The following COL7A1 variants were observed in gnomAD, a reference collection of about 807,000 sequenced individuals.
COL7A1 encodes collagen alpha-1(VII) chain.
Under a neutral mutation model 456.2 loss-of-function variants are expected in COL7A1, and 296 were observed. That is an observed-to-expected ratio of 0.65 (90% confidence interval 0.59 to 0.71). COL7A1 has a LOEUF of 0.71. COL7A1 is among the 30% of genes least tolerant of loss of function. The probability of loss-of-function intolerance (pLI) is 0.00; values close to 1 mark genes in which losing one functional copy is unlikely to be tolerated. For missense variants in COL7A1, 3,441 were observed against 4,017.2 expected, an observed-to-expected ratio of 0.86 and a Z score of 3.88; for synonymous variants, 1,464 against 1,525.9, an observed-to-expected ratio of 0.96 and a Z score of 0.95.
chr3:48,580,355 G>T lies in COL7A1; in HGVS notation c.5053-11C>A. The T allele has an allele frequency of 6.2e-7, 1 of 1,608,136 alleles. No homozygotes were observed. Among genetic ancestry groups the T allele is most frequent in the Non-Finnish European group, 8.5e-7 (1 of 1,176,980 alleles). On this transcript the variant is annotated splice_polypyrimidine_tract_variant and intron_variant, in intron 55 of 118. Transcript: ENST00000681320. This position sits in a 1 kb window ranked among gnomAD's most constrained non-coding sequence, Gnocchi z 4.5. ...TGATCCAGGGCTGCCCTGCAGAAAG[G>T]CAGGGGTCAGGGCCACTCAAGGTAG... is the stretch of plus-strand genomic sequence containing the variant.
chr3:48,584,315 G>T lies in COL7A1; in HGVS notation c.4180C>A (p.Pro1394Thr), dbSNP rs1560242724. 2 of 1,611,508 alleles carry T rather than the reference G, an allele frequency of 1.2e-6. No individual in the cohort carries two copies. The highest frequency in any genetic ancestry group is 4.5e-5 in the East Asian group (2 of 44,726). Residue 1394 changes from proline to threonine, a missense_variant, in exon 37 of 119, where the codon CCT (proline) becomes ACT (threonine). Transcript: ENST00000681320. The stretch of plus-strand genomic sequence containing the variant: ...GCTGTCACCTTCATGGCTGTTCCAG[G>T]AAGCCCTGGGGGGCCACGGGGTCCT... ...DPGPRGPPGL[P>T]GTAMKGDKGD...
rs201633065 is a variant in COL7A1 at position 48,581,551 on chromosome 3, C to A, written c.4782+22G>T. On this transcript the variant is annotated intron_variant, in intron 50 of 118. Transcript: ENST00000681320. The surrounding 1 kb of genome is among the most constrained non-coding windows in gnomAD (Gnocchi z 5.8). Reference sequence around the variant, plus strand: ...CCACCTCATCTCCCTCTGTCACACTCCCCATTCCCACATTGATTCACCCGG... The same window carrying A: ...CCACCTCATCTCCCTCTGTCACACTACCCATTCCCACATTGATTCACCCGG... 4 of 1,614,120 alleles carry A rather than the reference C, an allele frequency of 2.5e-6. No individual in the cohort carries two copies. Among genetic ancestry groups the A allele is most frequent in the Admixed American group, 3.3e-5 (2 of 60,022 alleles).
At position 48,584,491 on chromosome 3, in the gene COL7A1, T is replaced by C. The variant is rs1354351281; in HGVS notation, c.4113A>G (p.Gly1371=). 6.2e-7 allele frequency: 1 copy of C among 1,613,726 alleles called. No individual in the cohort carries two copies. The highest frequency in any genetic ancestry group is 1.7e-5 in the Admixed American group (1 of 60,000). Reference sequence around the variant, plus strand: ...CCACATACCCTGCACTTACCGATGGTCCAGGGTCCCCTTTCCGCCCAGGAA... The same window carrying C: ...CCACATACCCTGCACTTACCGATGGCCCAGGGTCCCCTTTCCGCCCAGGAA... ...PGLPGRKGDP[G]PSGPPGPRGP... The change falls in exon 36 of 119, where the codon GGA becomes GGG. Residue 1371 remains glycine (G), a synonymous_variant. Transcript: ENST00000681320.
chr3:48,588,989 T>C lies in COL7A1; in HGVS notation c.2321A>G (p.Glu774Gly), dbSNP rs1306425341. 6.2e-7 allele frequency: 1 copy of C among 1,613,380 alleles called. No individual in the cohort carries two copies. Among genetic ancestry groups the C allele is most frequent in the Admixed American group, 1.7e-5 (1 of 60,024 alleles). The change falls in exon 19 of 119, where the codon GAG becomes GGG. Residue 774 changes from glutamate to glycine, a missense_variant. Around this residue, in one of 3 missense-constraint regions of COL7A1, gnomAD observed 913 missense variants for 1,088.2 expected, o/e 0.84. Coordinates refer to ENST00000681320, the MANE Select transcript of COL7A1 (RefSeq NM_000094.4). The surrounding 1 kb of genome is among the most constrained non-coding windows in gnomAD (Gnocchi z 4.6). ...PASVVVRTAP[E>G]PVGRVSRLQI... ...CAGCCTCGACACACGACCCACAGGCTCAGGGGCTGGGGACAGAGGCAAGGT... is the reference window on the plus strand; with the variant it reads ...CAGCCTCGACACACGACCCACAGGCCCAGGGGCTGGGGACAGAGGCAAGGT...
At chr3:48,577,149 T>C (rs1414426034) in intron 65 of COL7A1, 122 bp from the exon 66 acceptor site, 1 of 1,371,920 alleles carries the variant, frequency 7.3e-7, no homozygotes, top group East Asian at 2.3e-5. Context: ...TGGTTGTGTG[T>C]GTCTTGGAGC....
intron 65 of COL7A1, among the ~76,000 whole-genome samples, chr3:48,577,409 A>C (rs1178287696): frequency 1.1e-4 from 17 of 152,212 alleles, no homozygotes. Flanking sequence ...CCATGTCTGC[A>C]TATGGGCATG....
chr3:48,581,519 G>A lies in COL7A1; in HGVS notation c.4783-36C>T, dbSNP rs568158841. ...CAGAAGGGGGGCAGGACTTAGTCAG[G>A]GTCCCACCACCTCATCTCCCTCTGT... is the stretch of plus-strand genomic sequence containing the variant. On this transcript the variant is annotated intron_variant, in intron 50 of 118. Coordinates refer to ENST00000681320, the MANE Select transcript of COL7A1 (RefSeq NM_000094.4). This position sits in a 1 kb window ranked among gnomAD's most constrained non-coding sequence, Gnocchi z 5.8. 2 of 1,613,998 alleles carry A rather than the reference G, an allele frequency of 1.2e-6. No individual in the cohort carries two copies. Among genetic ancestry groups the A allele is most frequent in the South Asian group, 1.1e-5 (1 of 91,066 alleles).
In COL7A1 at chr3:48,573,116, A is replaced by G. The variant is rs2107661049; in HGVS notation, c.6714+58T>C. 6.2e-7 allele frequency: 1 copy of G among 1,614,070 alleles called. No individual in the cohort carries two copies. Among genetic ancestry groups the G allele is most frequent in the Non-Finnish European group, 8.5e-7 (1 of 1,179,948 alleles). Reference sequence around the variant, plus strand: ...TGGACACAGGACGACATGAGAGAACATGGGCCCCAAGGAGTGAAAACACGG... The same window carrying G: ...TGGACACAGGACGACATGAGAGAACGTGGGCCCCAAGGAGTGAAAACACGG... On this transcript the variant is annotated intron_variant, in intron 85 of 118. Coordinates refer to ENST00000681320, the MANE Select transcript of COL7A1 (RefSeq NM_000094.4). The surrounding 1 kb of genome is among the most constrained non-coding windows in gnomAD (Gnocchi z 5.5).
In COL7A1 at chr3:48,570,494, G is replaced by A. The variant is rs750365281; in HGVS notation, c.7351C>T (p.Pro2451Ser). 1.2e-6 allele frequency: 2 copies of A among 1,614,064 alleles called. No homozygotes were observed. Among genetic ancestry groups the A allele is most frequent in the East Asian group, 2.2e-5 (1 of 44,878 alleles). ...TCTCCTTTGAGTCCAGAGGCCCCAG[G>A]TGGTCCCTGTAGGTCAGAGTGAGGT... is the stretch of plus-strand genomic sequence containing the variant. Reference protein sequence around the residue: ...PPGPPGSVGPPGASGLKGDKG... With the variant: ...PPGPPGSVGPSGASGLKGDKG... Residue 2451 changes from proline to serine, a missense_variant, in exon 97 of 119, where the codon CCT becomes TCT. This residue lies in a region of COL7A1 where 2,084 missense variants were observed against 2,501.3 expected (regional missense o/e 0.83). Transcript: ENST00000681320. The surrounding 1 kb of genome is among the most constrained non-coding windows in gnomAD (Gnocchi z 5.5).
chr3:48,581,563 A>G lies in COL7A1; in HGVS notation c.4782+10T>C, dbSNP rs1419914108. On this transcript the variant is annotated intron_variant, in intron 50 of 118. Transcript: ENST00000681320. This position sits in a 1 kb window ranked among gnomAD's most constrained non-coding sequence, Gnocchi z 5.8. ...CCTCTGTCACACTCCCCATTCCCAC[A>G]TTGATTCACCCGGTCTCCAGGGTCT... 1 of 1,613,554 alleles carries G rather than the reference A, an allele frequency of 6.2e-7. No homozygotes were observed. The highest frequency in any genetic ancestry group is 8.5e-7 in the Non-Finnish European group (1 of 1,179,930).
Position 48,583,699 on chromosome 3 carries a change from A to G in COL7A1, c.4341+19T>C. ...CCTCCCACCCCAGAACTGGGACATC[A>G]TCAAGTCAGCCTTCCTACTTTTTCT... On this transcript the variant is annotated intron_variant, in intron 40 of 118. Transcript: ENST00000681320. The surrounding 1 kb of genome is among the most constrained non-coding windows in gnomAD (Gnocchi z 5.1). The G allele has an allele frequency of 6.2e-7, 1 of 1,614,014 alleles. No homozygotes were observed. The highest frequency in any genetic ancestry group is 8.5e-7 in the Non-Finnish European group (1 of 1,179,970).
At chr3:48,595,207 C>A in intron 1 of COL7A1, 47 bp from the exon 2 acceptor site, 2 of 1,500,696 alleles carry the variant, frequency 1.3e-6, no homozygotes, top group Non-Finnish European at 1.8e-6. Context: ...CTGTCCCTTG[C>A]TCCCCCGTGG....
Position 48,578,265 on chromosome 3 carries a change from T to G in COL7A1, c.5532+56A>C. The stretch of plus-strand genomic sequence containing the variant: ...TGTGTTGCTACAGATCTTGGCTGTG[T>G]AGGTGTGCTGGCGTTTCTTGGCAGG... On this transcript the variant is annotated intron_variant, in intron 65 of 118. Coordinates refer to ENST00000681320, the MANE Select transcript of COL7A1 (RefSeq NM_000094.4). The surrounding 1 kb of genome is among the most constrained non-coding windows in gnomAD (Gnocchi z 4.7). The G allele has an allele frequency of 6.2e-7, 1 of 1,604,712 alleles. No individual in the cohort carries two copies. The highest frequency in any genetic ancestry group is 8.5e-7 in the Non-Finnish European group (1 of 1,173,864).
chr3:48,580,622 C>T lies in COL7A1; in HGVS notation c.5011G>A (p.Glu1671Lys). ...CCAGGATCTCCCTGGTCTCCCTTTT[C>T]ACCCACAGGCCCCCGAACTCCAGGT... is the stretch of plus-strand genomic sequence containing the variant. ...GAPGVRGPVG[E>K]KGDQGDPGED... is the part of the protein sequence containing the mutation. Residue 1671 changes from glutamate to lysine, a missense_variant, in exon 55 of 119, where the codon GAA (glutamate) becomes AAA (lysine). Around this residue, in one of 3 missense-constraint regions of COL7A1, gnomAD observed 2,084 missense variants for 2,501.3 expected, o/e 0.83. Transcript: ENST00000681320. The surrounding 1 kb of genome is among the most constrained non-coding windows in gnomAD (Gnocchi z 4.5). 4 of 1,613,996 alleles carry T rather than the reference C, an allele frequency of 2.5e-6. No individual in the cohort carries two copies. Among genetic ancestry groups the T allele is most frequent in the Non-Finnish European group, 3.4e-6 (4 of 1,179,960 alleles).
rs1419730773 is a variant in COL7A1, at chr3:48,568,245, T to C, written c.7795-75A>G. 1.3e-6 allele frequency: 2 copies of C among 1,526,232 alleles called. No homozygotes were observed. The highest frequency in any genetic ancestry group is 2.7e-5 in the African/African-American group (2 of 73,160). 94.5% of individuals were successfully genotyped at this position (1,526,232 alleles called of 1,614,324 possible). Reference sequence around the variant, plus strand: ...AAAGAGAATCGCCCTGGATAGTGGGTAGGGAACACCATGGGGTGGGAGTCA... The same window carrying C: ...AAAGAGAATCGCCCTGGATAGTGGGCAGGGAACACCATGGGGTGGGAGTCA... On this transcript the variant is annotated intron_variant, in intron 105 of 118. Coordinates refer to ENST00000681320, the MANE Select transcript of COL7A1 (RefSeq NM_000094.4). This position sits in a 1 kb window ranked among gnomAD's most constrained non-coding sequence, Gnocchi z 5.2.
At chr3:48,582,768 GTTGGCAGGGGTAAGAC>G (rs2044866234) in intron 44 of COL7A1, 115 bp from the exon 45 acceptor site, 1 of 1,238,318 alleles carries the variant, frequency 8.1e-7, no homozygotes, top group East Asian at 2.4e-5. Flanking sequence ...TGGGATTTAG[GTTGGCAGGGGTAAGAC>G]TTGGCAGGAG....
chr3:48,567,733 G>T lies in COL7A1; in HGVS notation c.7960C>A (p.Leu2654Met). 6.2e-7 allele frequency: 1 copy of T among 1,614,028 alleles called. No individual in the cohort carries two copies. Among genetic ancestry groups the T allele is most frequent in the East Asian group, 2.2e-5 (1 of 44,860 alleles). The change falls in exon 108 of 119, where the codon CTG becomes ATG. Residue 2654 changes from leucine to methionine, a missense_variant. This residue lies in a region of COL7A1 where 2,084 missense variants were observed against 2,501.3 expected (regional missense o/e 0.83). Coordinates refer to ENST00000681320, the MANE Select transcript of COL7A1 (RefSeq NM_000094.4). This position sits in a 1 kb window ranked among gnomAD's most constrained non-coding sequence, Gnocchi z 4.3. ...ACCATCTCTCCTTTGTGTCCTGCCA[G>T]CCCGGGGCGGCCTGGGGGACCAGCT... The part of the protein sequence containing the change: ...GEAGPPGRPG[L>M]AGHKGEMGEP...
rs1255328802 is a variant in COL7A1 at position 48,591,899 on chromosome 3, A to G, written c.1356T>C (p.Thr452=). The G allele has an allele frequency of 6.2e-7, 1 of 1,614,184 alleles. No homozygotes were observed. Residue 452 remains threonine, a splice_region_variant and synonymous_variant, in exon 11 of 119, where the codon ACT becomes ACC. Coordinates refer to ENST00000681320, the MANE Select transcript of COL7A1 (RefSeq NM_000094.4). The surrounding 1 kb of genome is among the most constrained non-coding windows in gnomAD (Gnocchi z 7.0). Reference sequence around the variant, plus strand: ...GTCCATCCCTTCCCCCGCACTGACCAGTCTCACGCCGCCATTCCAACCGGT... The same window carrying G: ...GTCCATCCCTTCCCCCGCACTGACCGGTCTCACGCCGCCATTCCAACCGGT... The part of the protein sequence containing the change: ...RGYRLEWRRE[T]GLEPPQKVVL...
At position 48,573,348 on chromosome 3, in the gene COL7A1, C is replaced by G; in HGVS notation, c.6619G>C (p.Gly2207Arg). 1 of 1,614,042 alleles carries G rather than the reference C, an allele frequency of 6.2e-7. No individual in the cohort carries two copies. The highest frequency in any genetic ancestry group is 1.6e-4 in the Middle Eastern group (1 of 6,062). Residue 2207 changes from glycine (G) to arginine (R), a missense_variant and splice_region_variant, in exon 84 of 119, where the codon GGG (glycine) becomes CGG (arginine). By Grantham distance (125) the Gly-to-Arg change is moderately radical. Coordinates refer to ENST00000681320, the MANE Select transcript of COL7A1 (RefSeq NM_000094.4). The surrounding 1 kb of genome is among the most constrained non-coding windows in gnomAD (Gnocchi z 5.5). ...GGAGGTCCTGTCTCTCCAGGCTCCCCCTGCAAACAACCCAGAGACTGCATG... is the reference window on the plus strand; with the variant it reads ...GGAGGTCCTGTCTCTCCAGGCTCCCGCTGCAAACAACCCAGAGACTGCATG... ...AGPQGPSGLK[G>R]EPGETGPPGR...
Sources: allele counts gnomAD v4.1 joint callset (sites outside exome capture counted in the v4.1 genomes callset), GRCh38; gene constraint gnomAD v4.1.1; regional missense constraint gnomAD v4.1.1; non-coding constraint Gnocchi (gnomAD v3.1); transcripts MANE v1.5; gene names NCBI Gene and HGNC (gene_info 2026-07-23, HGNC 2026-07-21).